MYO18B: variants seen among roughly 807,000 people sequenced by gnomAD.
The protein encoded by MYO18B is myosin XVIIIB.
MYO18B carries 204 observed loss-of-function variants against 273.0 expected under a neutral mutation model. That is an observed-to-expected ratio of 0.75 (90% CI 0.67 to 0.84). The LOEUF is 0.84. MYO18B is among the 40% of genes least tolerant of loss of function. The pLI, the probability that MYO18B is intolerant of heterozygous loss-of-function variation, is 0.00. For missense variants in MYO18B, 3,212 were observed against 3,287.6 expected, an observed-to-expected ratio of 0.98 and a Z score of 0.56; for synonymous variants, 1,330 against 1,305.7, an observed-to-expected ratio of 1.02 and a Z score of -0.40.
chr22:25,853,097 T>C (rs2090470009), intron 21 of MYO18B, among the ~76,000 whole-genome samples: 1 of 152,138 alleles, frequency 6.6e-6, no homozygotes, highest in Non-Finnish European at 1.5e-5. Context: ...TCCTGGGACA[T>C]AGTAAGGGCT....
At chr22:26,029,233 A>T (rs1936522361) in intron 43 of MYO18B, among the ~76,000 whole-genome samples, 1 of 152,182 alleles carries the variant, frequency 6.6e-6, no homozygotes. Flanking sequence ...CTGCAGCTCA[A>T]GGCTCTGATG....
chr22:26,016,900 G>T (rs895018518), intron 42 of MYO18B, among the ~76,000 whole-genome samples: 1 of 152,204 alleles, frequency 6.6e-6, no homozygotes, highest in African/African-American at 2.4e-5. Flanking sequence ...AACATTAAAG[G>T]GTGAGTGAAA....
intron 10 of MYO18B, 75 bp from the exon 11 acceptor site, chr22:25,785,353 A>T: frequency 6.9e-7 from 1 of 1,453,256 alleles, no homozygotes; most frequent in Non-Finnish European, 9.4e-7. Context: ...GGAGCCTCAC[A>T]CTGTGACGAC....
the MYO18B span, among the ~76,000 whole-genome samples, chr22:26,048,873 A>G: frequency 1.3e-5 from 2 of 152,186 alleles, no homozygotes; most frequent in South Asian, 4.1e-4. Flanking sequence ...GCCACACTGC[A>G]TTTCACAATG....
chr22:25,829,851 A>G (rs2089643237), intron 15 of MYO18B, among the ~76,000 whole-genome samples: 1 of 151,442 alleles, frequency 6.6e-6, no homozygotes, highest in African/African-American at 2.4e-5. Flanking sequence ...AAATAATAAT[A>G]ATAATATAAA....
chr22:26,059,576 A>AT, the MYO18B span, among the ~76,000 whole-genome samples: 2 of 152,192 alleles, frequency 1.3e-5, no homozygotes, highest in African/African-American at 4.8e-5. Context: ...GGATGCCCTG[A>AT]GTTTGGGAAA....
rs113944534 is a variant in MYO18B, at chr22:25,956,198, A to T, written c.6156+834A>T. 5.9e-3 allele frequency among the ~76,000 whole-genome samples: 885 copies of T among 149,406 alleles called. 8 individuals carry two copies. The highest frequency in any genetic ancestry group is 0.021 in the African/African-American group (847 of 40,466). Reference sequence around the variant, plus strand: ...CACTAACTCATATTTTGTCTCCAGGATGGACCGAGGAACCTTTTTTTTTTT... The same window carrying T: ...CACTAACTCATATTTTGTCTCCAGGTTGGACCGAGGAACCTTTTTTTTTTT... On this transcript the variant is annotated intron_variant, in intron 39 of 43. Coordinates refer to ENST00000335473, the MANE Select transcript of MYO18B (RefSeq NM_032608.7).
chr22:25,797,982 CT>C lies in MYO18B; in HGVS notation c.2409del (p.Phe803LeufsTer45). The stretch of plus-strand genomic sequence containing the variant: ...AAGATAAACAGAAGGCGGCAGCTGC[CT>C]TTGCCCAGCTCCAGGGTGCCATGGA... ...PEDKQKAAAAFAQLQGAMEML... is the reference protein window; with the variant it reads ...PEDKQKAAAAXAQLQGAMEML... On this transcript the variant is annotated frameshift_variant, in exon 12 of 44. Coordinates refer to ENST00000335473, the MANE Select transcript of MYO18B (RefSeq NM_032608.7). LOFTEE classifies it high-confidence loss of function. The C allele has an allele frequency of 6.2e-7, 1 of 1,613,994 alleles. No homozygotes were observed.
intron 3 of MYO18B, among the ~76,000 whole-genome samples, chr22:25,765,061 C>T (rs1427104744): frequency 3.3e-5 from 5 of 152,072 alleles, no homozygotes; most frequent in Admixed American, 3.3e-4. Flanking sequence ...GAGATTGACA[C>T]CAGCAGCGCT....
intron 17 of MYO18B, among the ~76,000 whole-genome samples, chr22:25,836,855 G>A (rs1218749253): frequency 4.0e-5 from 6 of 151,872 alleles, no homozygotes; most frequent in African/African-American, 1.2e-4. Flanking sequence ...CCAGCTACTC[G>A]GGAGGCTGAG....
At chr22:25,870,353 C>T (rs2091012294) in intron 22 of MYO18B, among the ~76,000 whole-genome samples, 2 of 152,200 alleles carry the variant, frequency 1.3e-5, no homozygotes, top group African/African-American at 4.8e-5. Context: ...GCCTATTGCT[C>T]CTAAGCTACA....
chr22:26,020,213 C>T (rs181240059), intron 42 of MYO18B, among the ~76,000 whole-genome samples: 19 of 152,230 alleles, frequency 1.2e-4, no homozygotes, highest in East Asian at 1.9e-4. Context: ...ATGCTGCATA[C>T]GATACATGCA....
At chr22:25,928,042 A>G (rs1185843699) in intron 34 of MYO18B, among the ~76,000 whole-genome samples, 1 of 152,146 alleles carries the variant, frequency 6.6e-6, no homozygotes. Flanking sequence ...CAGTGCGTAA[A>G]AGGGCAGAGG....
At chr22:25,853,987 T>TAGA (rs1366436298) in intron 21 of MYO18B, among the ~76,000 whole-genome samples, 2 of 152,174 alleles carry the variant, frequency 1.3e-5, no homozygotes, top group African/African-American at 4.8e-5. Context: ...AACACGTGCT[T>TAGA]GGGTGGGCAA....
rs2087937079 is a variant in MYO18B, at chr22:25,796,884, G to A, written c.2377-1069G>A. ...GAGGCCTTCAAGGGTGGCCCATGCT[G>A]GCTTCTCCAGCTTTATCTTCTCCCC... On this transcript the variant is annotated intron_variant, in intron 11 of 43. Coordinates refer to ENST00000335473, the MANE Select transcript of MYO18B (RefSeq NM_032608.7). Among the ~76,000 whole-genome samples the A allele has an allele frequency of 2.0e-5, 3 of 152,296 alleles. 1 individual carries two copies. In the South Asian group the frequency reaches 6.2e-4, roughly 32 times the overall value.
intron 39 of MYO18B, among the ~76,000 whole-genome samples, chr22:25,988,689 C>CA (rs1424185641): frequency 6.6e-6 from 1 of 152,172 alleles, no homozygotes; most frequent in Non-Finnish European, 1.5e-5. Flanking sequence ...CTGGGGATGA[C>CA]ACTGTTCTTC....
At chr22:25,888,058 A>C (rs1399743691) in intron 25 of MYO18B, among the ~76,000 whole-genome samples, 3 of 152,200 alleles carry the variant, frequency 2.0e-5, no homozygotes, top group Admixed American at 1.3e-4. Context: ...TGCAGCAAGA[A>C]TGATTTTGCA....
At chr22:26,059,303 C>T in the MYO18B span, among the ~76,000 whole-genome samples, 6 of 152,162 alleles carry the variant, frequency 3.9e-5, no homozygotes, top group Admixed American at 3.9e-4. Context: ...CAAATGGAGT[C>T]AAAAGAACTA....
At chr22:25,948,624 A>G (rs145834544) in intron 36 of MYO18B, among the ~76,000 whole-genome samples, 4 of 142,994 alleles carry the variant, frequency 2.8e-5, no homozygotes, top group East Asian at 2.0e-4. Flanking sequence ...TATTTATTCA[A>G]TATTTACTGA....
Sources: allele counts gnomAD v4.1 joint callset (sites outside exome capture counted in the v4.1 genomes callset), GRCh38; gene constraint gnomAD v4.1.1; transcripts MANE v1.5; gene names NCBI Gene and HGNC (gene_info 2026-07-23, HGNC 2026-07-21).